The following SNTB2 variants were observed in gnomAD, a reference collection of about 807,000 sequenced individuals.
SNTB2 encodes syntrophin beta 2.
Under a neutral mutation model 46.2 loss-of-function variants are expected in SNTB2, and 34 were observed. The ratio of observed to expected loss-of-function variants is 0.74; its 90% CI spans 0.56 to 0.98. The LOEUF is 0.98. Among genes scored for constraint, SNTB2 ranks in the 50% least tolerant of loss-of-function variants. The pLI is 0.00. For missense variants in SNTB2, 603 were observed against 731.4 expected (o/e 0.82, Z 2.02); for synonymous variants, 290 against 312.6 (o/e 0.93, Z 0.76).
chr16:69,211,196 AATC>A (rs1485472645), intron 1 of SNTB2, among the ~76,000 whole-genome samples: 2 of 152,136 alleles, frequency 1.3e-5, no homozygotes, highest in African/African-American at 4.8e-5. Flanking sequence ...AATGAAAAAA[AATC>A]TATTAATTGG....
intron 1 of SNTB2, among the ~76,000 whole-genome samples, chr16:69,239,525 C>T (rs1278092399): frequency 1.3e-5 from 2 of 152,014 alleles, no homozygotes; most frequent in African/African-American, 4.8e-5. Flanking sequence ...TTAGAAACCA[C>T]TGAATTTATT....
chr16:69,264,632 A>C (rs554323375), intron 3 of SNTB2, among the ~76,000 whole-genome samples: 11 of 152,322 alleles, frequency 7.2e-5, no homozygotes, highest in African/African-American at 2.6e-4. Flanking sequence ...TGTTTGTGGG[A>C]AAAGTGGACA....
chr16:69,218,716 T>C (rs116687467), intron 1 of SNTB2, among the ~76,000 whole-genome samples: 3,513 of 152,296 alleles, frequency 0.023, 138 homozygotes, highest in African/African-American at 0.08. Flanking sequence ...TCACTGTGCC[T>C]GGCCTGTTAC....
In SNTB2 at chr16:69,211,163, T is replaced by G. The variant is rs553025265; in HGVS notation, c.580+23417T>G. The stretch of plus-strand genomic sequence containing the variant: ...ATGGGCTGATTAAAAAAAACCCCAA[T>G]AAATATAAAATTGTTTGAAAGCAAT... On this transcript the variant is annotated intron_variant, in intron 1 of 6. Transcript: ENST00000336278. Among the ~76,000 whole-genome samples, 9 of 151,964 alleles carry G rather than the reference T, an allele frequency of 5.9e-5. No homozygotes were observed. In the East Asian group the frequency reaches 1.7e-3, roughly 29 times the overall value.
chr16:69,187,804 T>G, intron 1 of SNTB2, 58 bp downstream of exon 1: 1 of 1,300,326 alleles, frequency 7.7e-7, no homozygotes, highest in Non-Finnish European at 9.9e-7. Context: ...TCGCGGGAGC[T>G]CACTTTGTTC....
intron 4 of SNTB2, among the ~76,000 whole-genome samples, chr16:69,276,352 A>G (rs1370357245): frequency 6.6e-6 from 1 of 152,244 alleles, no homozygotes; most frequent in East Asian, 1.9e-4. Context: ...AGTGTTCCCA[A>G]CCAACCGCTG....
chr16:69,253,075 AT>A (rs1964741203), intron 2 of SNTB2, among the ~76,000 whole-genome samples: 1 of 151,164 alleles, frequency 6.6e-6, no homozygotes. Context: ...AATTTTTTGT[AT>A]TTTTAGTAGA....
intron 1 of SNTB2, among the ~76,000 whole-genome samples, chr16:69,234,215 C>T (rs1964535118): frequency 6.6e-6 from 1 of 152,082 alleles, no homozygotes; most frequent in South Asian, 2.1e-4. Flanking sequence ...TGCCTGTAAT[C>T]CCAGCTACTA....
intron 3 of SNTB2, among the ~76,000 whole-genome samples, chr16:69,262,203 A>G (rs1275163747): frequency 1.3e-5 from 2 of 152,232 alleles, no homozygotes; most frequent in Admixed American, 6.5e-5. Flanking sequence ...AGTTTCTGAC[A>G]GTAAATAGTA....
At chr16:69,228,286 A>G (rs1964477034) in intron 1 of SNTB2, among the ~76,000 whole-genome samples, 6 of 151,988 alleles carry the variant, frequency 3.9e-5, no homozygotes, top group Admixed American at 3.3e-4. Context: ...AGTGTGGGTC[A>G]CCTGAGGTCA....
chr16:69,214,687 T>C (rs1315333671), intron 1 of SNTB2, among the ~76,000 whole-genome samples: 1 of 151,110 alleles, frequency 6.6e-6, no homozygotes, highest in African/African-American at 2.4e-5. Context: ...CCACCACGCC[T>C]GGCTAATTTT....
At chr16:69,284,572 G>T (rs948492259) in intron 5 of SNTB2, among the ~76,000 whole-genome samples, 1 of 148,876 alleles carries the variant, frequency 6.7e-6, no homozygotes, top group Admixed American at 6.7e-5. Context: ...TCAGGAGTTC[G>T]CAACCAGCCT....
At chr16:69,214,130 T>TA (rs1555498267) in intron 1 of SNTB2, among the ~76,000 whole-genome samples, 3 of 149,558 alleles carry the variant, frequency 2.0e-5, no homozygotes, top group East Asian at 2.0e-4. Context: ...GCCTTTTATT[T>TA]TTTTTTTTTT....
chr16:69,280,440 G>A (rs1597198313), intron 4 of SNTB2, among the ~76,000 whole-genome samples: 1 of 151,890 alleles, frequency 6.6e-6, no homozygotes, highest in African/African-American at 2.4e-5. Context: ...AGGGGCGGCC[G>A]GGCAGAGGCG....
chr16:69,188,877 A>T (rs1483469874), intron 1 of SNTB2, among the ~76,000 whole-genome samples: 1 of 152,184 alleles, frequency 6.6e-6, no homozygotes, highest in African/African-American at 2.4e-5. Flanking sequence ...GTTAGTGGAG[A>T]TGGAATTAGC....
chr16:69,277,342 T>G (rs530938777), intron 4 of SNTB2, among the ~76,000 whole-genome samples: 1 of 152,348 alleles, frequency 6.6e-6, no homozygotes, highest in South Asian at 2.1e-4. Flanking sequence ...AATGAGATTT[T>G]TTTATCTTTT....
chr16:69,286,103 G>A (rs1439780040), intron 5 of SNTB2, among the ~76,000 whole-genome samples: 2 of 151,890 alleles, frequency 1.3e-5, no homozygotes, highest in Non-Finnish European at 2.9e-5. Context: ...GAGCCACCAC[G>A]CCTGGTCTTC....
At chr16:69,292,075 C>T (rs961385499) in intron 5 of SNTB2, among the ~76,000 whole-genome samples, 1 of 150,646 alleles carries the variant, frequency 6.6e-6, no homozygotes, top group African/African-American at 2.4e-5. Context: ...AAAAATTAGC[C>T]GGGTGTGGTG....
intron 1 of SNTB2, among the ~76,000 whole-genome samples, chr16:69,222,249 G>A (rs1246508541): frequency 6.6e-6 from 1 of 151,888 alleles, no homozygotes; most frequent in Non-Finnish European, 1.5e-5. Flanking sequence ...TTTAATATTT[G>A]TCTTTTAAAT....
Sources: gnomAD v4.1 joint callset for allele counts (sites outside exome capture counted in the v4.1 genomes callset) on GRCh38, gnomAD v4.1.1 for gene constraint, MANE v1.5 for transcripts, NCBI Gene and HGNC (gene_info 2026-07-23, HGNC 2026-07-21) for gene names.